RUFY1: variants seen among roughly 807,000 people sequenced by gnomAD.
The protein encoded by RUFY1 is RUN and FYVE domain-containing protein 1.
In RUFY1, 54 loss-of-function variants were observed where a neutral mutation model predicts 94.6. The observed-to-expected ratio is 0.57, with a 90% CI of 0.46 to 0.72. The LOEUF is 0.72. RUFY1 is among the 30% of genes least tolerant of loss of function. RUFY1 has a pLI of 0.00. For missense variants in RUFY1, 883 were observed against 883.9 expected (o/e 1.00, Z 0.01); for synonymous variants, 396 against 347.3 (o/e 1.14, Z -1.56).
intron 13 of RUFY1, 141 bp from the exon 14 acceptor site, chr5:179,598,551 G>C: frequency 5.5e-6 from 5 of 915,664 alleles, no homozygotes; most frequent in Non-Finnish European, 8.6e-6. Context: ...GACCCTGGAG[G>C]AGAGGGAAGC....
chr5:179,560,212 G>A lies in RUFY1; in HGVS notation c.484+14G>A, dbSNP rs1361824459. The A allele has an allele frequency of 6.2e-6, 10 of 1,608,372 alleles. No homozygotes were observed. Among genetic ancestry groups the A allele is most frequent in the South Asian group, 3.3e-5 (3 of 90,740 alleles). ...ATGGGCTGAAAGGTGAGCCTGAGGGGGCGTTTGGGAGCGTGGAAGTTCGGG... is the reference window on the plus strand; with the variant it reads ...ATGGGCTGAAAGGTGAGCCTGAGGGAGCGTTTGGGAGCGTGGAAGTTCGGG... On this transcript the variant is annotated intron_variant, in intron 2 of 17. Coordinates refer to ENST00000319449, the MANE Select transcript of RUFY1 (RefSeq NM_025158.5).
rs191549733 is a variant in RUFY1, at chr5:179,596,427, G to A, written c.1512-135G>A. ...CCTGTATTCTGATTGTGGTGGAGCT[G>A]AATCTCCACGTGTTAAAACTCACAA... On this transcript the variant is annotated intron_variant, in intron 12 of 17. Transcript: ENST00000319449. The A allele has an allele frequency of 9.9e-6, 11 of 1,110,386 alleles. No individual in the cohort carries two copies. In the East Asian group the frequency reaches 2.6e-4, roughly 26 times the overall value. The allele number at this position is 1,110,386 out of a possible 1,614,324, so 68.8% of individuals were successfully genotyped here.
intron 7 of RUFY1, 144 bp from the exon 8 acceptor site, chr5:179,585,652 T>C (rs973762911): frequency 8.0e-6 from 5 of 622,076 alleles, no homozygotes; most frequent in Non-Finnish European, 8.7e-6. Flanking sequence ...ATATTTAGAA[T>C]TCTCATCTTC....
intron 17 of RUFY1, chr5:179,608,245 C>T (rs1767319421): frequency 2.0e-6 from 2 of 981,702 alleles, no homozygotes; most frequent in Non-Finnish European, 2.4e-6. Context: ...CGCCACCCAC[C>T]TTTCTGCCAC....
intron 5 of RUFY1, among the ~76,000 whole-genome samples, chr5:179,571,033 A>G (rs1485335008): frequency 6.6e-6 from 1 of 152,166 alleles, no homozygotes; most frequent in African/African-American, 2.4e-5. Flanking sequence ...AAACCAAACT[A>G]TGATTATTTT....
chr5:179,556,355 TAATA>T (rs754304593), intron 1 of RUFY1, among the ~76,000 whole-genome samples: 87 of 152,228 alleles, frequency 5.7e-4, no homozygotes, highest in Non-Finnish European at 1.0e-3. Flanking sequence ...AGTTAAAGTT[TAATA>T]AATTTTTATT....
intron 15 of RUFY1, 42 bp from the exon 16 acceptor site, chr5:179,605,834 C>T (rs978538827): frequency 8.6e-6 from 10 of 1,156,910 alleles, no homozygotes; most frequent in Non-Finnish European, 7.8e-6. Context: ...CAGAGCCTCA[C>T]TCTCTCTCAC....
At chr5:179,571,034 T>C (rs1261020821) in intron 5 of RUFY1, among the ~76,000 whole-genome samples, 1 of 152,202 alleles carries the variant, frequency 6.6e-6, no homozygotes, top group Non-Finnish European at 1.5e-5. Context: ...AACCAAACTA[T>C]GATTATTTTA....
Position 179,567,314 on chromosome 5 carries a change from C to A in RUFY1, c.603-147C>A, listed in dbSNP as rs930247553. The A allele has an allele frequency of 3.0e-5, 19 of 633,526 alleles. No homozygotes were observed. In the Admixed American group the frequency reaches 3.8e-4, roughly 13 times the overall value. 39.2% of individuals were successfully genotyped at this position (633,526 alleles called of 1,614,324 possible). A position where few individuals can be genotyped will look rare whatever the true frequency, so the allele number is the denominator to read the frequency against. On this transcript the variant is annotated intron_variant, in intron 3 of 17. Transcript: ENST00000319449. ...CGCTGCCTGCCCAGGCCATGTGCATCCCTCCCCAACCCCAAACAGCCATTC... is the reference window on the plus strand; with the variant it reads ...CGCTGCCTGCCCAGGCCATGTGCATACCTCCCCAACCCCAAACAGCCATTC...
At chr5:179,590,899 T>G (rs1765028422) in intron 9 of RUFY1, 1 of 151,972 alleles carries the variant, frequency 6.6e-6, no homozygotes, top group African/African-American at 2.4e-5. Flanking sequence ...AGTGGCGTGA[T>G]CTTAGCTCAC....
At position 179,608,416 on chromosome 5, in the gene RUFY1, AC is replaced by A; in HGVS notation, c.1983+758del. On this transcript the variant is annotated intron_variant, in intron 17 of 17. Transcript: ENST00000319449. ...GCTGCCTTTGAGATCACATGTGTCTACAAGGCCTGGCTGTCCCCATCTGTGG... is the reference window on the plus strand; with the variant it reads ...GCTGCCTTTGAGATCACATGTGTCTAAAGGCCTGGCTGTCCCCATCTGTGG... The A allele has an allele frequency of 3.0e-6, 3 of 985,520 alleles. No individual in the cohort carries two copies. In the South Asian group the frequency reaches 1.4e-4, roughly 46 times the overall value. The allele number at this position is 985,520 out of a possible 1,614,324, so 61.0% of individuals were successfully genotyped here.
intron 7 of RUFY1, among the ~76,000 whole-genome samples, chr5:179,585,109 C>T (rs1764494642): frequency 6.6e-6 from 1 of 152,076 alleles, no homozygotes; most frequent in Non-Finnish European, 1.5e-5. Context: ...CCAGACTAGG[C>T]GAAAGAGTAA....
intron 17 of RUFY1, among the ~76,000 whole-genome samples, chr5:179,607,953 A>AG (rs1767284924): frequency 1.3e-5 from 2 of 152,202 alleles, no homozygotes; most frequent in Non-Finnish European, 2.9e-5. Flanking sequence ...GAGCTGCTCT[A>AG]GGGGAGTGTC....
chr5:179,569,728 C>T lies in RUFY1; in HGVS notation c.828+303C>T, dbSNP rs1696120060. Among the ~76,000 whole-genome samples the T allele has an allele frequency of 2.6e-5, 4 of 151,636 alleles. No individual in the cohort carries two copies. The Admixed American group carries it at 2.6e-4, about 10-fold the overall frequency. Reference sequence around the variant, plus strand: ...TGATAGTTAGGCCATTGGTGCTATGCTGAAGGGTGTAGCTTTTTTGTTGTT... The same window carrying T: ...TGATAGTTAGGCCATTGGTGCTATGTTGAAGGGTGTAGCTTTTTTGTTGTT... On this transcript the variant is annotated intron_variant, in intron 5 of 17. Transcript: ENST00000319449.
At chr5:179,580,500 C>G (rs1287462956) in intron 6 of RUFY1, among the ~76,000 whole-genome samples, 1 of 151,552 alleles carries the variant, frequency 6.6e-6, no homozygotes, top group African/African-American at 2.4e-5. Context: ...CCTTGGCCTT[C>G]AAAAGTGCTG....
intron 8 of RUFY1, among the ~76,000 whole-genome samples, chr5:179,587,058 T>G (rs1372043380): frequency 6.6e-6 from 1 of 151,600 alleles, no homozygotes; most frequent in East Asian, 1.9e-4. Context: ...TTATGTGGGG[T>G]TTTTCTGCTT....
chr5:179,593,168 C>T (rs775065343), intron 10 of RUFY1, among the ~76,000 whole-genome samples: 41 of 152,274 alleles, frequency 2.7e-4, no homozygotes, highest in Non-Finnish European at 4.7e-4. Context: ...CTCCGCCTCC[C>T]GGATTCAAGC....
chr5:179,597,786 G>GC (rs1335676680), intron 13 of RUFY1, among the ~76,000 whole-genome samples: 1 of 152,204 alleles, frequency 6.6e-6, no homozygotes, highest in Non-Finnish European at 1.5e-5. Flanking sequence ...GTCCAGCAGT[G>GC]CCCCCAGGGC....
At chr5:179,558,917 GGTCA>G (rs1762242670) in intron 1 of RUFY1, among the ~76,000 whole-genome samples, 1 of 152,186 alleles carries the variant, frequency 6.6e-6, no homozygotes, top group East Asian at 1.9e-4. Context: ...AAAATATACA[GGTCA>G]GTAAGACAAA....
Sources: allele counts gnomAD v4.1 joint callset (sites outside exome capture counted in the v4.1 genomes callset), GRCh38; gene constraint gnomAD v4.1.1; transcripts MANE v1.5; gene names NCBI Gene and HGNC (gene_info 2026-07-23, HGNC 2026-07-21).